The following CADPS variants were observed in gnomAD, a reference collection of about 807,000 sequenced individuals.
The protein encoded by CADPS is calcium-dependent secretion activator 1.
Under a neutral mutation model 167.3 loss-of-function variants are expected in CADPS, and 57 were observed. The ratio of observed to expected loss-of-function variants is 0.34; its 90% CI spans 0.28 to 0.42. The LOEUF is 0.42. Among genes scored for constraint, CADPS ranks in the 20% least tolerant of loss-of-function variants. CADPS has a pLI of 1.00. For synonymous variants in CADPS, 676 were observed against 635.3 expected (o/e 1.06, Z -0.96); for missense variants, 1,414 against 1,738.1 (o/e 0.81, Z 3.32).
At chr3:62,714,860 G>C (rs1323444575) in intron 3 of CADPS, among the ~76,000 whole-genome samples, 2 of 152,078 alleles carry the variant, frequency 1.3e-5, no homozygotes, top group Admixed American at 6.5e-5. Flanking sequence ...AAAGAGGCTC[G>C]AGAGAGATAG....
At chr3:62,822,483 C>T (rs704359) in intron 1 of CADPS, among the ~76,000 whole-genome samples, 5,925 of 152,090 alleles carry the variant, frequency 0.039, 386 homozygotes, top group African/African-American at 0.13. Context: ...GATGGGAAAA[C>T]GGATGGATTT....
intron 6 of CADPS, among the ~76,000 whole-genome samples, chr3:62,635,201 T>A (rs1375874987): frequency 1.3e-5 from 2 of 152,164 alleles, no homozygotes; most frequent in Non-Finnish European, 2.9e-5. Flanking sequence ...AATCACCTAA[T>A]TCTGCTCTTG....
chr3:62,791,652 G>A (rs545566168), intron 1 of CADPS, among the ~76,000 whole-genome samples: 1 of 152,256 alleles, frequency 6.6e-6, no homozygotes, highest in Non-Finnish European at 1.5e-5. Flanking sequence ...AAGTCAGCAG[G>A]TACCAGTATC....
chr3:62,598,731 T>G (rs1039646335), intron 6 of CADPS, among the ~76,000 whole-genome samples: 1 of 152,180 alleles, frequency 6.6e-6, no homozygotes, highest in Non-Finnish European at 1.5e-5. Flanking sequence ...TAAATGGCAG[T>G]TAGTGACCTC....
intron 29 of CADPS, among the ~76,000 whole-genome samples, chr3:62,401,034 T>C (rs914783628): frequency 2.6e-5 from 4 of 152,168 alleles, no homozygotes; most frequent in Non-Finnish European, 5.9e-5. Flanking sequence ...TGAAGTCCAA[T>C]AACAAAAAAG....
At chr3:62,803,019 A>C (rs60787335) in intron 1 of CADPS, among the ~76,000 whole-genome samples, 17,178 of 152,202 alleles carry the variant, frequency 0.11, 1,029 homozygotes, top group Non-Finnish European at 0.13. Flanking sequence ...AAGAACACTT[A>C]GGAAAGGACA....
At chr3:62,619,115 A>G (rs898367608) in intron 6 of CADPS, among the ~76,000 whole-genome samples, 1 of 152,344 alleles carries the variant, frequency 6.6e-6, no homozygotes, top group East Asian at 1.9e-4. Context: ...CTACACTGGT[A>G]GAGTTCAACA....
chr3:62,575,503 T>C (rs561803201), intron 8 of CADPS, among the ~76,000 whole-genome samples: 15 of 152,220 alleles, frequency 9.9e-5, no homozygotes, highest in African/African-American at 3.6e-4. Context: ...AGTAGAAATA[T>C]AAAGTGCTTA....
chr3:62,558,888 A>G (rs546216412), intron 9 of CADPS, among the ~76,000 whole-genome samples: 5 of 152,372 alleles, frequency 3.3e-5, no homozygotes, highest in Admixed American at 2.6e-4. Flanking sequence ...ATAAAGGAAC[A>G]CATATTAATT....
chr3:62,675,178 G>A (rs1580197332), intron 3 of CADPS, among the ~76,000 whole-genome samples: 2 of 151,940 alleles, frequency 1.3e-5, no homozygotes, highest in East Asian at 3.9e-4. Context: ...GGCTCAGTGT[G>A]ACAGGGAAAA....
rs186665700 is a variant in CADPS, at chr3:62,673,145, A to T, written c.889-10751T>A. 1.7e-3 allele frequency among the ~76,000 whole-genome samples: 252 copies of T among 152,346 alleles called. 1 individual carries two copies. The highest frequency in any genetic ancestry group is 5.6e-3 in the African/African-American group (234 of 41,586). On this transcript the variant is annotated intron_variant, in intron 3 of 29. Transcript: ENST00000383710. ...AAAGACCTTGTCTGTCTTGTTCATT[A>T]TAAAAATAGCCAATGACTGATGTAT...
At chr3:62,505,139 T>C (rs975231474) in intron 17 of CADPS, among the ~76,000 whole-genome samples, 8 of 152,190 alleles carry the variant, frequency 5.3e-5, no homozygotes, top group African/African-American at 1.7e-4. Context: ...CATACTATCC[T>C]GAATACCCAG....
chr3:62,680,944 C>T (rs774559742), intron 3 of CADPS, among the ~76,000 whole-genome samples: 1 of 152,002 alleles, frequency 6.6e-6, no homozygotes, highest in Non-Finnish European at 1.5e-5. Flanking sequence ...AGGACATATC[C>T]TGGTTCTTCA....
At chr3:62,769,684 A>G (rs958759364) in intron 1 of CADPS, among the ~76,000 whole-genome samples, 1 of 152,102 alleles carries the variant, frequency 6.6e-6, no homozygotes, top group Non-Finnish European at 1.5e-5. Flanking sequence ...TTTTGTTCAC[A>G]GTCCTATGGG....
chr3:62,857,678 A>G (rs1054676730), intron 1 of CADPS, among the ~76,000 whole-genome samples: 8 of 152,060 alleles, frequency 5.3e-5, no homozygotes, highest in African/African-American at 1.9e-4. Flanking sequence ...ACCTCTATAT[A>G]TCCATGCAGA....
chr3:62,615,703 C>T (rs571355838), intron 6 of CADPS, among the ~76,000 whole-genome samples: 11 of 152,082 alleles, frequency 7.2e-5, no homozygotes, highest in Admixed American at 5.9e-4. Flanking sequence ...CAAGGTCAAC[C>T]ACACCCCCAA....
chr3:62,741,075 C>T (rs1235690892), intron 3 of CADPS, among the ~76,000 whole-genome samples: 2 of 152,146 alleles, frequency 1.3e-5, no homozygotes, highest in Non-Finnish European at 1.5e-5. Context: ...AACCAGCCCA[C>T]CCTATACTTC....
At chr3:62,571,060 G>A (rs567910696) in intron 8 of CADPS, 122 bp from the exon 9 acceptor site, 18 of 704,612 alleles carry the variant, frequency 2.6e-5, no homozygotes, top group South Asian at 5.1e-5. Flanking sequence ...GGAACGGGGC[G>A]CAGATTTTGG....
intron 7 of CADPS, among the ~76,000 whole-genome samples, chr3:62,591,325 T>C (rs1457936385): frequency 2.6e-5 from 4 of 152,138 alleles, no homozygotes; most frequent in African/African-American, 4.8e-5. Flanking sequence ...ACTTTAGTAG[T>C]ATATGTGAAC....
Sources: allele counts gnomAD v4.1 joint callset (sites outside exome capture counted in the v4.1 genomes callset), GRCh38; gene constraint gnomAD v4.1.1; transcripts MANE v1.5; gene names NCBI Gene and HGNC (gene_info 2026-07-23, HGNC 2026-07-21).